The following ADIPOR2 variants were observed in gnomAD, a reference collection of about 807,000 sequenced individuals.
ADIPOR2 encodes adiponectin receptor protein 2.
Under a neutral mutation model 40.9 loss-of-function variants are expected in ADIPOR2, and 18 were observed. The observed-to-expected ratio is 0.44, with a 90% CI of 0.30 to 0.65. The LOEUF is 0.65. Ranked by LOEUF, ADIPOR2 falls within the 30% of genes least tolerant of loss-of-function variation. ADIPOR2 has a pLI of 0.09. For synonymous variants in ADIPOR2, 165 were observed against 166.4 expected (o/e 0.99, Z 0.06); for missense variants, 283 against 479.2 (o/e 0.59, Z 3.82).
At chr12:1,697,605 C>T (rs1461525595) in intron 1 of ADIPOR2, 1 of 152,336 alleles carries the variant, frequency 6.6e-6, no homozygotes, top group Non-Finnish European at 1.5e-5. Context: ...TTGTGTTTTA[C>T]AGTTATATTC....
intron 1 of ADIPOR2, among the ~76,000 whole-genome samples, chr12:1,732,057 G>A (rs2094721661): frequency 6.6e-6 from 1 of 151,764 alleles, no homozygotes; most frequent in Non-Finnish European, 1.5e-5. Context: ...GAAAAATTGA[G>A]TGAAAACTAG....
At position 1,754,286 on chromosome 12, in the gene ADIPOR2, C is replaced by G; in HGVS notation, c.-58C>G. ...CAACTCACTATCCTGAAGGTCCATT[C>G]TCCCAAGAAGAGGGGACAGAAAGAC... On this transcript the variant is annotated 5_prime_UTR_variant, in exon 2 of 8. Coordinates refer to ENST00000357103, the MANE Select transcript of ADIPOR2 (RefSeq NM_024551.3). 1 of 1,448,594 alleles carries G rather than the reference C, an allele frequency of 6.9e-7. No individual in the cohort carries two copies. The highest frequency in any genetic ancestry group is 9.1e-7 in the Non-Finnish European group (1 of 1,094,112). 89.7% of individuals were successfully genotyped at this position (1,448,594 alleles called of 1,614,324 possible).
chr12:1,785,816 G>A, intron 7 of ADIPOR2, 128 bp from the exon 8 acceptor site: 1 of 1,255,442 alleles, frequency 8.0e-7, no homozygotes, highest in Non-Finnish European at 1.1e-6. Flanking sequence ...CCTTGAATTT[G>A]AGCTCTGTCA....
intron 1 of ADIPOR2, among the ~76,000 whole-genome samples, chr12:1,747,515 T>C (rs1471756453): frequency 6.6e-6 from 1 of 152,170 alleles, no homozygotes; most frequent in Non-Finnish European, 1.5e-5. Flanking sequence ...TTCTTTTTTG[T>C]TGGGCGGTGG....
intron 1 of ADIPOR2, among the ~76,000 whole-genome samples, chr12:1,737,990 A>G (rs1416873789): frequency 6.6e-6 from 1 of 152,080 alleles, no homozygotes; most frequent in East Asian, 1.9e-4. Context: ...TCTACATACT[A>G]AGGCAGGGGT....
intron 1 of ADIPOR2, among the ~76,000 whole-genome samples, chr12:1,747,385 C>T (rs180978125): frequency 3.6e-4 from 54 of 151,676 alleles, no homozygotes; most frequent in East Asian, 1.2e-3. Context: ...TAGAAAATAT[C>T]GAGACAAAAA....
At chr12:1,760,606 T>C (rs1250680417) in intron 2 of ADIPOR2, 1 of 152,236 alleles carries the variant, frequency 6.6e-6, no homozygotes, top group African/African-American at 2.4e-5. Context: ...CTTCTTTTAC[T>C]TAGCATAATG....
intron 1 of ADIPOR2, among the ~76,000 whole-genome samples, chr12:1,740,007 CAGG>C (rs1261221552): frequency 6.6e-6 from 1 of 151,986 alleles, no homozygotes; most frequent in African/African-American, 2.4e-5. Flanking sequence ...AAGGCTGAGG[CAGG>C]AGAATTGCTT....
intron 1 of ADIPOR2, among the ~76,000 whole-genome samples, chr12:1,699,092 T>C (rs1258227213): frequency 6.6e-6 from 1 of 152,106 alleles, no homozygotes; most frequent in East Asian, 1.9e-4. Flanking sequence ...TTATCACTGA[T>C]CAAAAAGAAT....
Position 1,783,918 on chromosome 12 carries a change from A to G in ADIPOR2, c.877A>G (p.Thr293Ala), listed in dbSNP as rs774744740. The stretch of plus-strand genomic sequence containing the variant: ...CCTAGGCCTGAGTGGAATCATTCCT[A>G]CCTTGCACTATGTCATCTCGGAGGG... Reference protein sequence around the residue: ...LGLGLSGIIPTLHYVISEGFL... With the variant: ...LGLGLSGIIPALHYVISEGFL... Residue 293 changes from threonine (T) to alanine (A), a missense_variant, in exon 7 of 8, where the codon ACC becomes GCC. Physicochemically the swap from Thr to Ala is moderately conservative, Grantham distance 58. Around this residue, in one of 3 missense-constraint regions of ADIPOR2, gnomAD observed 106 missense variants for 149.7 expected, o/e 0.71. Coordinates refer to ENST00000357103, the MANE Select transcript of ADIPOR2 (RefSeq NM_024551.3). The G allele has an allele frequency of 1.2e-5, 20 of 1,612,014 alleles. No homozygotes were observed. Among genetic ancestry groups the G allele is most frequent in the Middle Eastern group, 3.3e-4 (2 of 6,082 alleles).
intron 1 of ADIPOR2, among the ~76,000 whole-genome samples, chr12:1,731,494 A>G (rs765774030): frequency 3.9e-5 from 6 of 152,186 alleles, no homozygotes; most frequent in South Asian, 2.1e-4. Context: ...TATGCGCATT[A>G]TACAATAACT....
chr12:1,715,677 G>A (rs954562280), intron 1 of ADIPOR2, among the ~76,000 whole-genome samples: 1 of 152,174 alleles, frequency 6.6e-6, no homozygotes, highest in Non-Finnish European at 1.5e-5. Flanking sequence ...CAGTTGGGGT[G>A]TCCTGTTTAG....
intron 1 of ADIPOR2, among the ~76,000 whole-genome samples, chr12:1,701,489 C>G (rs936932203): frequency 3.3e-5 from 5 of 151,988 alleles, no homozygotes; most frequent in Non-Finnish European, 7.4e-5. Flanking sequence ...CATAGTATTG[C>G]TTTGCATATT....
rs184040368 is a variant in ADIPOR2 at position 1,765,700 on chromosome 12, A to T, written c.172-7142A>T. Among the ~76,000 whole-genome samples the T allele has an allele frequency of 2.6e-4, 39 of 152,248 alleles. No individual in the cohort carries two copies. The East Asian group carries it at 7.1e-3, about 28-fold the overall frequency. ...AGCCTTTTCATAAAGGTGATTTCTAAATCTATCATCTTAGTGCAGTCTTCT... is the reference window on the plus strand; with the variant it reads ...AGCCTTTTCATAAAGGTGATTTCTATATCTATCATCTTAGTGCAGTCTTCT... On this transcript the variant is annotated intron_variant, in intron 2 of 7. Coordinates refer to ENST00000357103, the MANE Select transcript of ADIPOR2 (RefSeq NM_024551.3).
chr12:1,777,580 G>T (rs1316409941), intron 3 of ADIPOR2, among the ~76,000 whole-genome samples: 1 of 151,806 alleles, frequency 6.6e-6, no homozygotes, highest in East Asian at 1.9e-4. Context: ...TAGAGATGGG[G>T]TTCGAGCTCC....
intron 1 of ADIPOR2, among the ~76,000 whole-genome samples, chr12:1,711,743 T>G (rs1206856675): frequency 6.6e-6 from 1 of 152,002 alleles, no homozygotes; most frequent in Non-Finnish European, 1.5e-5. Context: ...TCCTCTCTGC[T>G]GGTCTTTCCC....
At chr12:1,769,744 G>A (rs145781685) in intron 2 of ADIPOR2, among the ~76,000 whole-genome samples, 3,149 of 152,158 alleles carry the variant, frequency 0.021, 71 homozygotes, top group East Asian at 0.11. Context: ...GTTTCACCAC[G>A]TTGGCCAGGC....
intron 1 of ADIPOR2, among the ~76,000 whole-genome samples, chr12:1,731,213 A>C (rs1413535950): frequency 6.6e-6 from 1 of 152,086 alleles, no homozygotes; most frequent in Non-Finnish European, 1.5e-5. Flanking sequence ...GGCATGTGAC[A>C]CTGCGTGGCT....
intron 1 of ADIPOR2, among the ~76,000 whole-genome samples, chr12:1,740,335 G>C (rs759801088): frequency 1.3e-5 from 2 of 152,196 alleles, no homozygotes; most frequent in Non-Finnish European, 2.9e-5. Context: ...CTGGAGGCTA[G>C]AGTTTCAAGA....
Sources: allele counts gnomAD v4.1 joint callset (sites outside exome capture counted in the v4.1 genomes callset), GRCh38; gene constraint gnomAD v4.1.1; regional missense constraint gnomAD v4.1.1; transcripts MANE v1.5; gene names NCBI Gene and HGNC (gene_info 2026-07-23, HGNC 2026-07-21).